KLHL31: variants seen among roughly 807,000 people sequenced by gnomAD.
KLHL31 encodes the protein kelch-like protein 31.
A neutral mutation model predicts 47.1 loss-of-function variants in KLHL31; 32 were observed. The ratio of observed to expected loss-of-function variants is 0.68; its 90% CI spans 0.51 to 0.91. The LOEUF (loss-of-function observed/expected upper bound fraction) is 0.91. Among genes scored for constraint, KLHL31 ranks in the 40% least tolerant of loss-of-function variants. The pLI is 0.00. For missense variants in KLHL31, 797 were observed against 819.3 expected (o/e 0.97, Z 0.33); for synonymous variants, 330 against 325.1 (o/e 1.01, Z -0.16).
At chr6:53,652,547 G>A (rs897285589) in intron 2 of KLHL31, 6 of 601,828 alleles carry the variant, frequency 1.0e-5, no homozygotes, top group South Asian at 2.0e-5. Flanking sequence ...CCTCGCCCCC[G>A]TTTATAAGCC....
rs988969835 is a variant in KLHL31 at position 53,652,345 on chromosome 6, G to A, written c.1173-15C>T. The A allele has an allele frequency of 3.7e-6, 6 of 1,612,822 alleles. No homozygotes were observed. Among genetic ancestry groups the A allele is most frequent in the Non-Finnish European group, 5.1e-6 (6 of 1,180,008 alleles). On this transcript the variant is annotated splice_polypyrimidine_tract_variant and intron_variant, in intron 2 of 2. Transcript: ENST00000370905. ...GGGGATCGTATCTGGAAATGATAGA[G>A]AAGGTGTAACAGCTTTGTCGGCGGC... is the stretch of plus-strand genomic sequence containing the variant.
chr6:53,663,921 A>G (rs963457615), intron 1 of KLHL31, among the ~76,000 whole-genome samples: 3 of 152,238 alleles, frequency 2.0e-5, no homozygotes, highest in Non-Finnish European at 4.4e-5. Flanking sequence ...TTTCAGTATA[A>G]TCAACTGTCA....
In KLHL31 at chr6:53,654,049, C is replaced by T. The variant is rs140488268; in HGVS notation, c.1172+52G>A. 2.4e-3 allele frequency: 3,388 copies of T among 1,422,084 alleles called. 60 individuals are homozygous for T. The African/African-American group carries it at 0.042, about 17-fold the overall frequency. The allele number at this position is 1,422,084 out of a possible 1,614,324, so 88.1% of individuals were successfully genotyped here. On this transcript the variant is annotated intron_variant, in intron 2 of 2. Coordinates refer to ENST00000370905, the MANE Select transcript of KLHL31 (RefSeq NM_001003760.5). ...AGATTAATTTACTTCTATGTTAGGG[C>T]TATTTCCCTATAATATTGAGCCATT...
Position 53,660,580 on chromosome 6 carries a change from G to T in KLHL31, c.-34+5021C>A, listed in dbSNP as rs543193366. Reference sequence around the variant, plus strand: ...TGTAATCCCAGCACTTTGGGAGGCCGAGGCGGGTGGATCACTTGAGGCCAG... The same window carrying T: ...TGTAATCCCAGCACTTTGGGAGGCCTAGGCGGGTGGATCACTTGAGGCCAG... On this transcript the variant is annotated intron_variant, in intron 1 of 2. Transcript: ENST00000370905. Among the ~76,000 whole-genome samples the T allele has an allele frequency of 5.9e-5, 9 of 152,252 alleles. No individual in the cohort carries two copies. The East Asian group carries it at 1.5e-3, about 26-fold the overall frequency.
chr6:53,659,701 A>G (rs891227773), intron 1 of KLHL31, among the ~76,000 whole-genome samples: 1 of 152,214 alleles, frequency 6.6e-6, no homozygotes, highest in African/African-American at 2.4e-5. Context: ...ACAGTTGGGC[A>G]GGTAATATTC....
chr6:53,651,667 G>A lies in KLHL31; in HGVS notation c.1836C>T (p.Leu612=). The A allele has an allele frequency of 6.2e-7, 1 of 1,614,166 alleles. No homozygotes were observed. Among genetic ancestry groups the A allele is most frequent in the South Asian group, 1.1e-5 (1 of 91,084 alleles). Residue 612 remains leucine (L), a synonymous_variant, in exon 3 of 3, where the codon CTC becomes CTT. Transcript: ENST00000370905. ...EATVGVSCCT[L]SMPNNVTRES... ...CCCGAGTCACGTTGTTGGGCATCGA[G>A]AGGGTGCAGCAGGACACGCCGACAG...
At chr6:53,659,445 G>A (rs568872713) in intron 1 of KLHL31, among the ~76,000 whole-genome samples, 1 of 152,310 alleles carries the variant, frequency 6.6e-6, no homozygotes, top group African/African-American at 2.4e-5. Flanking sequence ...AGAGTACATG[G>A]AACAGATTGT....
rs779987580 is a variant in KLHL31 at position 53,654,616 on chromosome 6, A to C, written c.657T>G (p.Leu219=). The change falls in exon 2 of 3, where the codon CTT becomes CTG. Residue 219 remains leucine, a synonymous_variant. Coordinates refer to ENST00000370905, the MANE Select transcript of KLHL31 (RefSeq NM_001003760.5). The part of the protein sequence containing the change: ...MKLTFEQINE[L]LIDDDLQLPS... ...GCAACTGTAAGTCATCATCTATAAGAAGTTCATTAATTTGTTCAAATGTAA... is the reference window on the plus strand; with the variant it reads ...GCAACTGTAAGTCATCATCTATAAGCAGTTCATTAATTTGTTCAAATGTAA... The C allele has an allele frequency of 6.2e-7, 1 of 1,614,190 alleles. No individual in the cohort carries two copies. Among genetic ancestry groups the C allele is most frequent in the South Asian group, 1.1e-5 (1 of 91,072 alleles).
At chr6:53,656,536 T>C (rs1328322123) in intron 1 of KLHL31, among the ~76,000 whole-genome samples, 1 of 152,058 alleles carries the variant, frequency 6.6e-6, no homozygotes, top group Non-Finnish European at 1.5e-5. Flanking sequence ...TATATGTGTG[T>C]GCATATTTAT....
intron 2 of KLHL31, among the ~76,000 whole-genome samples, chr6:53,652,858 T>C (rs1203933590): frequency 1.3e-5 from 2 of 152,134 alleles, no homozygotes; most frequent in African/African-American, 4.8e-5. Context: ...AACCCCTTAA[T>C]CCTACACCTC....
chr6:53,658,847 G>C (rs1318930372), intron 1 of KLHL31, among the ~76,000 whole-genome samples: 1 of 152,062 alleles, frequency 6.6e-6, no homozygotes, highest in African/African-American at 2.4e-5. Context: ...ATTTCAAATA[G>C]GATGACAATG....
At chr6:53,661,757 T>C (rs1396636804) in intron 1 of KLHL31, among the ~76,000 whole-genome samples, 1 of 152,210 alleles carries the variant, frequency 6.6e-6, no homozygotes, top group Non-Finnish European at 1.5e-5. Context: ...AAATGTTCAC[T>C]GTGCACTTCT....
In KLHL31 at chr6:53,665,651, G is replaced by A. The variant is rs1764708032; in HGVS notation, c.-84C>T. ...ACTTGAGATGATGAAGTTTTAGCAG[G>A]AGACTCCTCTTGGGAAGGGATCTGT... is the stretch of plus-strand genomic sequence containing the variant. On this transcript the variant is annotated 5_prime_UTR_variant, in exon 1 of 3. Transcript: ENST00000370905. The A allele has an allele frequency of 6.6e-6, 1 of 152,238 alleles. No homozygotes were observed. The highest frequency in any genetic ancestry group is 2.4e-5 in the African/African-American group (1 of 41,430). 9.4% of individuals were successfully genotyped at this position (152,238 alleles called of 1,614,324 possible).
Position 53,651,821 on chromosome 6 carries a change from G to T in KLHL31, c.1682C>A (p.Ser561Ter), listed in dbSNP as rs1405809860. The change falls in exon 3 of 3, where the codon TCG becomes TAG. Residue 561 changes from serine (S) to a stop codon, truncating the protein, a stop_gained. Transcript: ENST00000370905. LOFTEE classifies it high-confidence loss of function. ...CAGGTAGGCGCGGCCATGCAGCGCC[G>T]AGACGCCCGCAGTGCTCACTCCCAC... The part of the protein sequence containing the change: ...LQVGVSTAGV[S>*]ALHGRAYLVG... 2.5e-6 allele frequency: 4 copies of T among 1,610,922 alleles called. No individual in the cohort carries two copies. The highest frequency in any genetic ancestry group is 3.4e-6 in the Non-Finnish European group (4 of 1,179,672).
chr6:53,659,841 G>A (rs547541077), intron 1 of KLHL31, among the ~76,000 whole-genome samples: 200 of 152,306 alleles, frequency 1.3e-3, no homozygotes, highest in Admixed American at 2.8e-3. Context: ...AGTGAAATCA[G>A]TAAAAGCTCT....
At chr6:53,664,541 A>C (rs1764692071) in intron 1 of KLHL31, among the ~76,000 whole-genome samples, 1 of 152,256 alleles carries the variant, frequency 6.6e-6, no homozygotes. Flanking sequence ...GGGCAAGTCC[A>C]TGTGAAAGTA....
intron 1 of KLHL31, among the ~76,000 whole-genome samples, chr6:53,663,646 T>C (rs74734238): frequency 5.3e-5 from 8 of 152,222 alleles, no homozygotes; most frequent in African/African-American, 1.9e-4. Context: ...CTCTATGCAC[T>C]AAGTTAACTA....
At position 53,648,305 on chromosome 6, in the gene KLHL31, G is replaced by A. The variant is rs1764421938; in HGVS notation, c.*3293C>T. ...CTTGTGCTGGAGAACATATTCATCAGCGGCTGGAATAGGGATGTAGTTCAT... is the reference window on the plus strand; with the variant it reads ...CTTGTGCTGGAGAACATATTCATCAACGGCTGGAATAGGGATGTAGTTCAT... On this transcript the variant is annotated 3_prime_UTR_variant, in exon 3 of 3. Coordinates refer to ENST00000370905, the MANE Select transcript of KLHL31 (RefSeq NM_001003760.5). 6.6e-6 allele frequency: 1 copy of A among 152,084 alleles called. No homozygotes were observed. The highest frequency in any genetic ancestry group is 1.5e-5 in the Non-Finnish European group (1 of 68,008). The allele number at this position is 152,084 out of a possible 1,614,324, so 9.4% of individuals were successfully genotyped here. A position where few individuals can be genotyped will look rare whatever the true frequency, so the allele number is the denominator to read the frequency against.
At chr6:53,661,969 CT>C (rs966292992) in intron 1 of KLHL31, among the ~76,000 whole-genome samples, 13 of 151,628 alleles carry the variant, frequency 8.6e-5, no homozygotes, top group African/African-American at 1.9e-4. Context: ...CTTACTCTCT[CT>C]TTTTTTTTAA....
Sources: allele counts gnomAD v4.1 joint callset (sites outside exome capture counted in the v4.1 genomes callset), GRCh38; gene constraint gnomAD v4.1.1; transcripts MANE v1.5; gene names NCBI Gene and HGNC (gene_info 2026-07-23, HGNC 2026-07-21).